SDC2: variants seen among roughly 807,000 people sequenced by gnomAD.
SDC2 encodes syndecan 2.
A neutral mutation model predicts 22.2 loss-of-function variants in SDC2; 13 were observed. The observed-to-expected ratio is 0.59, with a 90% CI of 0.38 to 0.93. SDC2 has a LOEUF of 0.93. Among genes scored for constraint, SDC2 ranks in the 40% least tolerant of loss-of-function variants. SDC2 has a pLI of 0.00. For missense variants in SDC2, 235 were observed against 246.8 expected (o/e 0.95, Z 0.32); for synonymous variants, 94 against 92.8 (o/e 1.01, Z -0.07).
chr8:96,494,417 C>G, intron 1 of SDC2, 86 bp downstream of exon 1: 2 of 1,312,166 alleles, frequency 1.5e-6, no homozygotes, highest in Non-Finnish European at 2.1e-6. Context: ...GGAGCGCCAC[C>G]TGGGGAACCC....
At chr8:96,606,180 G>A (rs1336844498) in intron 3 of SDC2, among the ~76,000 whole-genome samples, 1 of 152,132 alleles carries the variant, frequency 6.6e-6, no homozygotes, top group African/African-American at 2.4e-5. Context: ...CTAGAATGCA[G>A]TGGCACAATT....
chr8:96,535,809 G>C (rs1813745353), intron 1 of SDC2, among the ~76,000 whole-genome samples: 1 of 152,190 alleles, frequency 6.6e-6, no homozygotes, highest in Non-Finnish European at 1.5e-5. Context: ...TCAGGTATTA[G>C]CTGAACAGAA....
chr8:96,547,428 C>T (rs766001434), intron 1 of SDC2, among the ~76,000 whole-genome samples: 3 of 152,316 alleles, frequency 2.0e-5, no homozygotes, highest in African/African-American at 7.2e-5. Flanking sequence ...GGACCACCTT[C>T]GCACCAACGC....
Position 96,611,006 on chromosome 8 carries a change from TG to T in SDC2, c.*1460del, listed in dbSNP as rs1009241291. 1 of 152,688 alleles carries T rather than the reference TG, an allele frequency of 6.5e-6. No homozygotes were observed. Among genetic ancestry groups the T allele is most frequent in the Non-Finnish European group, 1.5e-5 (1 of 68,058 alleles). The allele number at this position is 152,688 out of a possible 1,614,324, so 9.5% of individuals were successfully genotyped here. ...GATCTGAATGGGGCTTTCCTGATGTTGGTATCTAAGGCTTAGGCCTATAGAT... is the reference window on the plus strand; with the variant it reads ...GATCTGAATGGGGCTTTCCTGATGTTGTATCTAAGGCTTAGGCCTATAGAT... On this transcript the variant is annotated 3_prime_UTR_variant, in exon 5 of 5. Transcript: ENST00000302190.
chr8:96,553,555 T>G (rs987807727), intron 1 of SDC2, among the ~76,000 whole-genome samples: 3 of 152,032 alleles, frequency 2.0e-5, no homozygotes, highest in African/African-American at 7.2e-5. Flanking sequence ...TAAGCTAAAC[T>G]TATACCAACA....
chr8:96,600,132 C>T (rs1487027797), intron 2 of SDC2, among the ~76,000 whole-genome samples: 4 of 152,112 alleles, frequency 2.6e-5, no homozygotes, highest in African/African-American at 9.7e-5. Context: ...GCACTCTGGC[C>T]TGGGTGACAG....
chr8:96,514,193 G>C (rs1813369234), intron 1 of SDC2, among the ~76,000 whole-genome samples: 1 of 152,106 alleles, frequency 6.6e-6, no homozygotes, highest in South Asian at 2.1e-4. Context: ...CAAACTTCAA[G>C]GGACTCTGAC....
At chr8:96,513,424 G>C (rs1160694441) in intron 1 of SDC2, among the ~76,000 whole-genome samples, 3 of 152,174 alleles carry the variant, frequency 2.0e-5, no homozygotes, top group Non-Finnish European at 4.4e-5. Flanking sequence ...TTCACAGGCT[G>C]CTTTTGTTGT....
At chr8:96,542,663 A>G (rs1813870596) in intron 1 of SDC2, among the ~76,000 whole-genome samples, 1 of 152,038 alleles carries the variant, frequency 6.6e-6, no homozygotes, top group Admixed American at 6.5e-5. Flanking sequence ...CCCCGAGAAG[A>G]CAAGCGTCTT....
intron 1 of SDC2, among the ~76,000 whole-genome samples, chr8:96,520,413 T>G (rs1813478896): frequency 7.9e-5 from 12 of 152,222 alleles, no homozygotes; most frequent in Admixed American, 7.9e-4. Context: ...TTACTGTTTC[T>G]TGAAGTATTG....
chr8:96,515,309 A>C (rs980495392), intron 1 of SDC2, among the ~76,000 whole-genome samples: 2 of 152,196 alleles, frequency 1.3e-5, no homozygotes, highest in Non-Finnish European at 2.9e-5. Context: ...CTCCTTTGGC[A>C]GCCAACTAAA....
At chr8:96,553,408 A>C (rs577805858) in intron 1 of SDC2, among the ~76,000 whole-genome samples, 2 of 151,658 alleles carry the variant, frequency 1.3e-5, no homozygotes, top group Admixed American at 6.6e-5. Context: ...TAAATGGCTC[A>C]GAAGTTAATA....
At chr8:96,512,178 A>C (rs565821542) in intron 1 of SDC2, among the ~76,000 whole-genome samples, 2 of 152,230 alleles carry the variant, frequency 1.3e-5, no homozygotes, top group Non-Finnish European at 2.9e-5. Flanking sequence ...TGGTCACACA[A>C]GGTACTATGC....
At chr8:96,520,149 A>G (rs917408890) in intron 1 of SDC2, among the ~76,000 whole-genome samples, 9 of 152,198 alleles carry the variant, frequency 5.9e-5, no homozygotes, top group African/African-American at 1.7e-4. Flanking sequence ...TGTAGTGACA[A>G]CTTTTTACTT....
At chr8:96,561,081 G>C (rs765916400) in intron 1 of SDC2, among the ~76,000 whole-genome samples, 14 of 152,108 alleles carry the variant, frequency 9.2e-5, no homozygotes, top group Non-Finnish European at 1.8e-4. Flanking sequence ...TCCAGCCTGG[G>C]CAACAAAGCA....
chr8:96,501,629 G>A (rs1396677634), intron 1 of SDC2, among the ~76,000 whole-genome samples: 1 of 151,952 alleles, frequency 6.6e-6, no homozygotes, highest in Non-Finnish European at 1.5e-5. Context: ...GTATTTATGT[G>A]TAATTTGTTA....
chr8:96,594,545 C>G (rs1814840118), intron 2 of SDC2, among the ~76,000 whole-genome samples: 1 of 152,166 alleles, frequency 6.6e-6, no homozygotes, highest in African/African-American at 2.4e-5. Context: ...CAGACTCCAC[C>G]TCTTAGTGAA....
intron 3 of SDC2, among the ~76,000 whole-genome samples, chr8:96,606,940 G>A (rs1815090564): frequency 6.6e-6 from 1 of 152,214 alleles, no homozygotes; most frequent in Admixed American, 6.5e-5. Flanking sequence ...GCGGTGGCCT[G>A]TTAGGAACCA....
At position 96,575,046 on chromosome 8, in the gene SDC2, A is replaced by G. The variant is rs139730334; in HGVS notation, c.61-18434A>G. Reference sequence around the variant, plus strand: ...CTAATGCCGCCACTGATCTGACAGGAGGCGGAGCTCAGGTGGTAATGCTCA... The same window carrying G: ...CTAATGCCGCCACTGATCTGACAGGGGGCGGAGCTCAGGTGGTAATGCTCA... On this transcript the variant is annotated intron_variant, in intron 1 of 4. Coordinates refer to ENST00000302190, the MANE Select transcript of SDC2 (RefSeq NM_002998.4). Among the ~76,000 whole-genome samples the G allele has an allele frequency of 4.7e-3, 718 of 152,280 alleles. 5 individuals carry two copies. Among genetic ancestry groups the G allele is most frequent in the African/African-American group, 0.016 (647 of 41,564 alleles).
Sources: gnomAD v4.1 joint callset for allele counts (sites outside exome capture counted in the v4.1 genomes callset) on GRCh38, gnomAD v4.1.1 for gene constraint, MANE v1.5 for transcripts, NCBI Gene and HGNC (gene_info 2026-07-23, HGNC 2026-07-21) for gene names.